MSH3: variants seen among roughly 807,000 people sequenced by gnomAD.
MSH3 encodes the protein mutS homolog 3.
Under a neutral mutation model 123.3 loss-of-function variants are expected in MSH3, and 106 were observed. The ratio of observed to expected loss-of-function variants is 0.86; its 90% CI spans 0.73 to 1.01. The LOEUF (loss-of-function observed/expected upper bound fraction) is 1.01. MSH3 is among the 50% of genes least tolerant of loss of function. The pLI, the probability that MSH3 is intolerant of heterozygous loss-of-function variation, is 0.00. For missense variants in MSH3, 1,459 were observed against 1,347.6 expected (o/e 1.08, Z -1.29); for synonymous variants, 515 against 481.4 (o/e 1.07, Z -0.91).
chr5:80,844,837 G>T (rs1230568408), intron 20 of MSH3, among the ~76,000 whole-genome samples: 2 of 152,064 alleles, frequency 1.3e-5, no homozygotes, highest in Non-Finnish European at 2.9e-5. Flanking sequence ...ACACTGATGG[G>T]TGTTGACTCT....
At chr5:80,676,439 A>G (rs191862908) in intron 7 of MSH3, among the ~76,000 whole-genome samples, 1 of 152,240 alleles carries the variant, frequency 6.6e-6, no homozygotes, top group Non-Finnish European at 1.5e-5. Context: ...CTTCAGAACA[A>G]TCAGACACCC....
chr5:80,654,735 G>A lies in MSH3; in HGVS notation c.8G>A (p.Arg3His), dbSNP rs1391784097. The A allele has an allele frequency of 3.1e-6, 5 of 1,599,926 alleles. No individual in the cohort carries two copies. Among genetic ancestry groups the A allele is most frequent in the Non-Finnish European group, 4.3e-6 (5 of 1,175,206 alleles). Residue 3 changes from arginine to histidine, a missense_variant, in exon 1 of 24, where the codon CGC (arginine) becomes CAC (histidine). Transcript: ENST00000265081. Reference sequence around the variant, plus strand: ...TGCCATCCTTGCCCTGCCATGTCTCGCCGGAAGCCTGCGTCGGGCGGCCTC... The same window carrying A: ...TGCCATCCTTGCCCTGCCATGTCTCACCGGAAGCCTGCGTCGGGCGGCCTC... MS[R>H]RKPASGGLAA... is the part of the protein sequence containing the mutation.
chr5:80,697,615 G>A (rs1174363418), intron 8 of MSH3, among the ~76,000 whole-genome samples: 1 of 152,124 alleles, frequency 6.6e-6, no homozygotes, highest in Admixed American at 6.6e-5. Context: ...ACATGTTGGA[G>A]CAATTGTAAA....
intron 15 of MSH3, 76 bp from the exon 16 acceptor site, chr5:80,775,618 T>G: frequency 1.2e-6 from 1 of 835,476 alleles, no homozygotes; most frequent in Non-Finnish European, 2.0e-6. Flanking sequence ...TAAATTGTTA[T>G]ACCACAATTT....
chr5:80,844,254 G>A (rs771743671), intron 20 of MSH3, among the ~76,000 whole-genome samples: 1 of 152,094 alleles, frequency 6.6e-6, no homozygotes, highest in Non-Finnish European at 1.5e-5. Context: ...TTGTAGTATG[G>A]TCTGAGAGAC....
intron 18 of MSH3, 100 bp downstream of exon 18, chr5:80,787,772 A>G (rs1424256957): frequency 1.4e-5 from 12 of 829,138 alleles, no homozygotes; most frequent in Admixed American, 9.9e-5. Flanking sequence ...CAGTTACTCA[A>G]ATGTGTTAGA....
intron 8 of MSH3, among the ~76,000 whole-genome samples, chr5:80,704,786 T>C (rs748227358): frequency 1.2e-4 from 19 of 152,204 alleles, no homozygotes; most frequent in Non-Finnish European, 2.6e-4. Context: ...TACAAACCCA[T>C]TGTTTGTGTA....
intron 20 of MSH3, among the ~76,000 whole-genome samples, chr5:80,832,732 T>A (rs113508748): frequency 8.5e-4 from 129 of 151,726 alleles, no homozygotes; most frequent in African/African-American, 2.4e-3. Context: ...TTTATTATTT[T>A]TATATATATA....
intron 20 of MSH3, among the ~76,000 whole-genome samples, chr5:80,825,649 C>T (rs142412811): frequency 2.7e-4 from 41 of 152,210 alleles, no homozygotes; most frequent in African/African-American, 8.9e-4. Context: ...TCATGATCTC[C>T]AAGGAGGCTG....
chr5:80,782,251 C>T lies in MSH3; in HGVS notation c.2435+3415C>T, dbSNP rs56055600. Among the ~76,000 whole-genome samples the T allele has an allele frequency of 2.1e-3, 327 of 152,168 alleles. 2 individuals are homozygous for T. Among genetic ancestry groups the T allele is most frequent in the African/African-American group, 6.2e-3 (259 of 41,512 alleles). ...CTTTACTTTGCAAATGCAGTTGGCT[C>T]TTGATATCTGTGGGTTCTGCATCCA... is the stretch of plus-strand genomic sequence containing the variant. On this transcript the variant is annotated intron_variant, in intron 17 of 23. Coordinates refer to ENST00000265081, the MANE Select transcript of MSH3 (RefSeq NM_002439.5).
chr5:80,748,238 T>C (rs1404969245), intron 12 of MSH3, among the ~76,000 whole-genome samples: 3 of 152,216 alleles, frequency 2.0e-5, no homozygotes, highest in African/African-American at 4.8e-5. Context: ...GTTCTAGCTC[T>C]TAAGGGCAAA....
intron 20 of MSH3, among the ~76,000 whole-genome samples, chr5:80,844,455 G>A (rs965724935): frequency 6.6e-6 from 1 of 152,112 alleles, no homozygotes; most frequent in Admixed American, 6.6e-5. Flanking sequence ...GGATATCCTT[G>A]TTAACCTTCT....
intron 8 of MSH3, among the ~76,000 whole-genome samples, chr5:80,682,944 G>A (rs946985652): frequency 6.6e-6 from 1 of 152,138 alleles, no homozygotes; most frequent in Admixed American, 6.6e-5. Context: ...ACAAGTAGGT[G>A]AGAACATGCA....
chr5:80,713,156 T>A (rs1241467543), intron 8 of MSH3, among the ~76,000 whole-genome samples: 1 of 152,204 alleles, frequency 6.6e-6, no homozygotes, highest in East Asian at 1.9e-4. Flanking sequence ...TGACATTTGT[T>A]TGTTCACAGT....
intron 19 of MSH3, among the ~76,000 whole-genome samples, chr5:80,799,836 A>G (rs923921630): frequency 1.3e-5 from 2 of 152,184 alleles, no homozygotes. Flanking sequence ...TCACCTGTAT[A>G]ATGGGAATCC....
intron 3 of MSH3, among the ~76,000 whole-genome samples, chr5:80,668,277 G>A (rs767238546): frequency 3.9e-5 from 6 of 152,166 alleles, no homozygotes; most frequent in South Asian, 2.1e-4. Flanking sequence ...AGAAAACACC[G>A]TAAGTTCTAA....
intron 12 of MSH3, among the ~76,000 whole-genome samples, chr5:80,747,815 G>A (rs1406477193): frequency 6.6e-6 from 1 of 152,180 alleles, no homozygotes; most frequent in African/African-American, 2.4e-5. Flanking sequence ...TAGCGTAGGA[G>A]CAGTATACTG....
At chr5:80,759,366 C>T (rs1330765022) in intron 12 of MSH3, among the ~76,000 whole-genome samples, 3 of 152,068 alleles carry the variant, frequency 2.0e-5, no homozygotes, top group Non-Finnish European at 2.9e-5. Context: ...GGTAGGAGTT[C>T]GCCAGACGAA....
At chr5:80,702,404 A>G (rs954026415) in intron 8 of MSH3, among the ~76,000 whole-genome samples, 8 of 152,136 alleles carry the variant, frequency 5.3e-5, no homozygotes, top group African/African-American at 1.9e-4. Context: ...TGCCTCCCTG[A>G]TGGCCATATG....
Sources: allele counts gnomAD v4.1 joint callset (sites outside exome capture counted in the v4.1 genomes callset), GRCh38; gene constraint gnomAD v4.1.1; transcripts MANE v1.5; gene names NCBI Gene and HGNC (gene_info 2026-07-23, HGNC 2026-07-21).